Variants in DHCR24 observed in about 807,000 individuals in gnomAD.
DHCR24 encodes 24-dehydrocholesterol reductase.
A neutral mutation model predicts 61.2 loss-of-function variants in DHCR24; 28 were observed. The ratio of observed to expected loss-of-function variants is 0.46; its 90% confidence interval spans 0.34 to 0.63. The LOEUF (loss-of-function observed/expected upper bound fraction) is 0.63, where lower values mean the gene tolerates loss of function less well. DHCR24 is among the 20% of genes least tolerant of loss of function. The probability of loss-of-function intolerance (pLI) is 0.01; values close to 1 mark genes in which losing one functional copy is unlikely to be tolerated. For missense variants in DHCR24, 538 were observed against 679.1 expected (o/e 0.79, Z 2.31); for synonymous variants, 261 against 275.9 (o/e 0.95, Z 0.54).
At chr1:54,870,165 T>A (rs1334942586) in intron 5 of DHCR24, among the ~76,000 whole-genome samples, 1 of 151,570 alleles carries the variant, frequency 6.6e-6, no homozygotes, top group East Asian at 1.9e-4. Context: ...AAGGCTACAG[T>A]GAGCTGTGAT....
intron 6 of DHCR24, among the ~76,000 whole-genome samples, chr1:54,854,570 T>C (rs1025017766): frequency 6.6e-6 from 1 of 152,192 alleles, no homozygotes; most frequent in Non-Finnish European, 1.5e-5. Context: ...AGTGCAATAA[T>C]GAGCTAGCTA....
intron 2 of DHCR24, among the ~76,000 whole-genome samples, chr1:54,880,490 C>T (rs185707062): frequency 8.5e-5 from 13 of 152,260 alleles, no homozygotes; most frequent in African/African-American, 2.2e-4. Context: ...GTAGGCCAAG[C>T]GCGGTGGCTC....
chr1:54,876,524 G>A (rs1647034469), intron 2 of DHCR24, among the ~76,000 whole-genome samples: 1 of 151,914 alleles, frequency 6.6e-6, no homozygotes, highest in African/African-American at 2.4e-5. Flanking sequence ...CGTGGTGGCG[G>A]GCACCTGTAG....
chr1:54,853,588 A>G lies in DHCR24; in HGVS notation c.1243T>C (p.Phe415Leu), dbSNP rs1646890262. 1 of 1,613,830 alleles carries G rather than the reference A, an allele frequency of 6.2e-7. No homozygotes were observed. Among genetic ancestry groups the G allele is most frequent in the Non-Finnish European group, 8.5e-7 (1 of 1,179,960 alleles). ...IHVYPIWLCPFILPSQPGLVH... is the reference protein window; with the variant it reads ...IHVYPIWLCPLILPSQPGLVH... ...AGGCCTGGCTGGCTGGGCAGGATGA[A>G]CGGACACAGCCAGATGGGGTAGACC... The change falls in exon 8 of 9, where the codon TTC becomes CTC. Residue 415 changes from phenylalanine (F) to leucine (L), a missense_variant. Transcript: ENST00000371269.
chr1:54,860,011 A>T (rs1646927027), intron 6 of DHCR24, among the ~76,000 whole-genome samples: 1 of 152,204 alleles, frequency 6.6e-6, no homozygotes, highest in Non-Finnish European at 1.5e-5. Context: ...CCCAAGATTA[A>T]GACTAATGGG....
chr1:54,870,844 CACAA>C (rs1376360313), intron 5 of DHCR24, among the ~76,000 whole-genome samples: 42 of 43,812 alleles, frequency 9.6e-4, no homozygotes, highest in Non-Finnish European at 2.0e-3. Context: ...TTACAATAAG[CACAA>C]ATCCTTTCCA....
intron 6 of DHCR24, among the ~76,000 whole-genome samples, chr1:54,858,049 G>A (rs148172629): frequency 6.6e-6 from 1 of 152,308 alleles, no homozygotes; most frequent in African/African-American, 2.4e-5. Context: ...CCCAGCAGAG[G>A]GGGGGAAAAG....
rs770877097 is a variant in DHCR24, at chr1:54,886,871, G to A, written c.231+18C>T. ...CCGCCTCCGGCCCTGAGTCCCGGCCGCACCCGGCGCCGCTCACCTGCTTCT... is the reference window on the plus strand; with the variant it reads ...CCGCCTCCGGCCCTGAGTCCCGGCCACACCCGGCGCCGCTCACCTGCTTCT... On this transcript the variant is annotated intron_variant, in intron 1 of 8. Transcript: ENST00000371269. 3.7e-6 allele frequency: 6 copies of A among 1,609,010 alleles called. No homozygotes were observed. The Admixed American group carries it at 5.0e-5, about 13-fold the overall frequency.
Position 54,876,057 on chromosome 1 carries a change from C to A in DHCR24, c.388-10G>T, listed in dbSNP as rs774425757. Reference sequence around the variant, plus strand: ...GCTCCACACGGACAATCTGTTGACACAAGAAAAGAGACCCTGGGTCAAAAG... The same window carrying A: ...GCTCCACACGGACAATCTGTTGACAAAAGAAAAGAGACCCTGGGTCAAAAG... On this transcript the variant is annotated splice_polypyrimidine_tract_variant and intron_variant, in intron 2 of 8. Transcript: ENST00000371269. 2.5e-6 allele frequency: 4 copies of A among 1,611,434 alleles called. No homozygotes were observed. The highest frequency in any genetic ancestry group is 1.1e-5 in the South Asian group (1 of 91,026).
At chr1:54,865,929 C>T (rs766459260) in intron 5 of DHCR24, among the ~76,000 whole-genome samples, 18 of 152,214 alleles carry the variant, frequency 1.2e-4, no homozygotes, top group Non-Finnish European at 2.5e-4. Flanking sequence ...CCAAGCTCCA[C>T]AGTCCTCCGG....
At chr1:54,884,158 T>C (rs1348501296) in intron 1 of DHCR24, among the ~76,000 whole-genome samples, 1 of 152,244 alleles carries the variant, frequency 6.6e-6, no homozygotes, top group African/African-American at 2.4e-5. Context: ...GTGTAATTCC[T>C]ACAACAGTCC....
At chr1:54,857,386 A>G (rs1475230064) in intron 6 of DHCR24, among the ~76,000 whole-genome samples, 1 of 152,252 alleles carries the variant, frequency 6.6e-6, no homozygotes, top group South Asian at 2.1e-4. Flanking sequence ...GAACACAAGG[A>G]CCCTATCTTA....
At position 54,851,643 on chromosome 1, in the gene DHCR24, G is replaced by A. The variant is rs1254584094; in HGVS notation, c.*590C>T. ...CTGGCTTTGGCACAGCGCATCTGGG[G>A]CCTCCCCACTCCGTGGCTGCCCTCC... On this transcript the variant is annotated 3_prime_UTR_variant, in exon 9 of 9. Transcript: ENST00000371269. 6.4e-6 allele frequency: 1 copy of A among 156,474 alleles called. No individual in the cohort carries two copies. Among genetic ancestry groups the A allele is most frequent in the Admixed American group, 6.2e-5 (1 of 16,198 alleles). 9.7% of individuals were successfully genotyped at this position (156,474 alleles called of 1,614,324 possible). A position where few individuals can be genotyped will look rare whatever the true frequency, so the allele number is the denominator to read the frequency against.
intron 2 of DHCR24, among the ~76,000 whole-genome samples, chr1:54,877,354 C>T (rs2101574135): frequency 6.7e-6 from 1 of 150,368 alleles, no homozygotes; most frequent in African/African-American, 2.5e-5. Flanking sequence ...TTAATGTATA[C>T]ATCCCTTGGA....
chr1:54,875,269 T>G (rs544045285), intron 3 of DHCR24, 58 bp from the exon 4 acceptor site: 1 of 1,552,564 alleles, frequency 6.4e-7, no homozygotes, highest in Non-Finnish European at 8.9e-7. Flanking sequence ...GGGTTGGGGG[T>G]GGGTTGGAGC....
intron 6 of DHCR24, among the ~76,000 whole-genome samples, chr1:54,860,468 A>G (rs1011379225): frequency 2.0e-5 from 3 of 152,132 alleles, no homozygotes; most frequent in Non-Finnish European, 4.4e-5. Context: ...ACTGGGATAC[A>G]CGGAGGTGAG....
chr1:54,884,226 C>G (rs557266913), intron 1 of DHCR24, among the ~76,000 whole-genome samples: 15 of 152,298 alleles, frequency 9.8e-5, no homozygotes, highest in African/African-American at 3.1e-4. Context: ...AGCAAAATAA[C>G]TTGTCCAAAG....
intron 1 of DHCR24, among the ~76,000 whole-genome samples, chr1:54,885,650 C>T (rs1390084585): frequency 6.8e-6 from 1 of 146,868 alleles, no homozygotes; most frequent in African/African-American, 2.4e-5. Flanking sequence ...GCTAGTCCAG[C>T]TGGGCCCCTG....
Position 54,865,340 on chromosome 1 carries a change from T to C in DHCR24, c.983A>G (p.Tyr328Cys). 2 of 1,612,282 alleles carry C rather than the reference T, an allele frequency of 1.2e-6. No homozygotes were observed. Among genetic ancestry groups the C allele is most frequent in the Non-Finnish European group, 8.5e-7 (1 of 1,178,618 alleles). ...GLEYIPLRHY[Y>C]HRHTRSIFWE... ...GAAGATGCTGCGCGTGTGGCGGTGG[T>C]AGTAGTGTCTCAAGGGAATGTACTC... The change falls in exon 6 of 9, where the codon TAC (tyrosine) becomes TGC (cysteine). Residue 328 changes from tyrosine (Y) to cysteine (C), a missense_variant. Transcript: ENST00000371269.
Sources: gnomAD v4.1 joint callset for allele counts (sites outside exome capture counted in the v4.1 genomes callset) on GRCh38, gnomAD v4.1.1 for gene constraint, MANE v1.5 for transcripts, NCBI Gene and HGNC (gene_info 2026-07-23, HGNC 2026-07-21) for gene names.